NALF1: variants seen among roughly 807,000 people sequenced by gnomAD.
NALF1 encodes NALCN channel auxiliary factor 1, also known as family with sequence similarity 155 member A.
A neutral mutation model predicts 48.4 loss-of-function variants in NALF1; 3 were observed. The ratio of observed to expected loss-of-function variants is 0.06; its 90% CI spans 0.03 to 0.16. The LOEUF (loss-of-function observed/expected upper bound fraction) is 0.16. Among genes scored for constraint, NALF1 ranks in the 10% least tolerant of loss-of-function variants. The pLI, the probability that NALF1 is intolerant of heterozygous loss-of-function variation, is 1.00. For missense variants in NALF1, 526 were observed against 571.5 expected, an observed-to-expected ratio of 0.92 and a Z score of 0.81; for synonymous variants, 262 against 245.7, an observed-to-expected ratio of 1.07 and a Z score of -0.62.
chr13:107,291,964 A>T lies in NALF1; in HGVS notation c.916-81209T>A, dbSNP rs142494380. On this transcript the variant is annotated intron_variant, in intron 1 of 2. Coordinates refer to ENST00000375915, the MANE Select transcript of NALF1 (RefSeq NM_001080396.3). ...AACACTGAAATGTATAAGTGACATAAAATATCCTGCTCCTATTGATACACA... is the reference window on the plus strand; with the variant it reads ...AACACTGAAATGTATAAGTGACATATAATATCCTGCTCCTATTGATACACA... Among the ~76,000 whole-genome samples the T allele has an allele frequency of 6.3e-3, 963 of 152,326 alleles. 10 individuals are homozygous for T. Among genetic ancestry groups the T allele is most frequent in the African/African-American group, 0.021 (875 of 41,568 alleles).
At chr13:107,373,232 A>G (rs1252775956) in intron 1 of NALF1, among the ~76,000 whole-genome samples, 1 of 152,208 alleles carries the variant, frequency 6.6e-6, no homozygotes, top group Non-Finnish European at 1.5e-5. Context: ...CAGGAACGTC[A>G]TATTTTAAAG....
chr13:107,650,583 GAAGAA>G (rs1018836724), intron 1 of NALF1, among the ~76,000 whole-genome samples: 3 of 151,828 alleles, frequency 2.0e-5, no homozygotes, highest in African/African-American at 7.3e-5. Flanking sequence ...GACTTGGGGA[GAAGAA>G]GAGAGGGGAA....
At chr13:107,447,880 A>C (rs998865345) in intron 1 of NALF1, among the ~76,000 whole-genome samples, 1 of 152,152 alleles carries the variant, frequency 6.6e-6, no homozygotes, top group African/African-American at 2.4e-5. Flanking sequence ...GGCTCTCTGC[A>C]TTTGACTTTG....
intron 1 of NALF1, among the ~76,000 whole-genome samples, chr13:107,687,293 C>T (rs996240420): frequency 2.0e-5 from 3 of 151,872 alleles, no homozygotes; most frequent in African/African-American, 7.2e-5. Flanking sequence ...ACTGGGCACT[C>T]CAAGAGTCTG....
At chr13:107,699,888 A>G (rs1385815552) in intron 1 of NALF1, among the ~76,000 whole-genome samples, 2 of 152,092 alleles carry the variant, frequency 1.3e-5, no homozygotes, top group East Asian at 3.9e-4. Flanking sequence ...TACCTGAAAA[A>G]GAAACAATCC....
intron 1 of NALF1, among the ~76,000 whole-genome samples, chr13:107,791,442 A>G (rs1232574415): frequency 6.6e-6 from 1 of 152,160 alleles, no homozygotes; most frequent in East Asian, 1.9e-4. Context: ...TTTAGACTTT[A>G]GGCTTTTGTC....
chr13:107,831,481 C>T (rs1238008213), intron 1 of NALF1, among the ~76,000 whole-genome samples: 3 of 151,638 alleles, frequency 2.0e-5, no homozygotes, highest in African/African-American at 2.4e-5. Flanking sequence ...TGCAGAGTTT[C>T]GCTGGTTTGG....
At chr13:107,425,713 C>T (rs573923305) in intron 1 of NALF1, among the ~76,000 whole-genome samples, 1 of 152,102 alleles carries the variant, frequency 6.6e-6, no homozygotes, top group East Asian at 1.9e-4. Flanking sequence ...TACCTATTTA[C>T]TATGATGTTG....
chr13:107,233,644 C>T (rs1156776365), intron 1 of NALF1, among the ~76,000 whole-genome samples: 3 of 152,152 alleles, frequency 2.0e-5, no homozygotes, highest in African/African-American at 7.2e-5. Context: ...GATTTGCTTA[C>T]AGAGTTGCAA....
intron 2 of NALF1, among the ~76,000 whole-genome samples, chr13:107,195,430 T>G (rs1050377140): frequency 6.6e-6 from 1 of 152,238 alleles, no homozygotes; most frequent in Non-Finnish European, 1.5e-5. Context: ...TGGATTTCAT[T>G]CTTCCTTTGC....
intron 1 of NALF1, among the ~76,000 whole-genome samples, chr13:107,537,948 T>C (rs918979036): frequency 7.2e-5 from 11 of 151,984 alleles, no homozygotes; most frequent in Admixed American, 4.6e-4. Context: ...AACTGGCAGG[T>C]GGAGGTTGCA....
intron 1 of NALF1, among the ~76,000 whole-genome samples, chr13:107,833,314 CATATGA>C (rs1181097233): frequency 5.9e-5 from 9 of 152,210 alleles, no homozygotes; most frequent in Non-Finnish European, 1.0e-4. Context: ...ATTGAATACA[CATATGA>C]ATACTACTGG....
intron 1 of NALF1, among the ~76,000 whole-genome samples, chr13:107,331,551 C>T (rs556387429): frequency 4.6e-5 from 7 of 152,156 alleles, no homozygotes; most frequent in Non-Finnish European, 7.4e-5. Flanking sequence ...TGGCCAAAAC[C>T]GCAATTACTT....
At chr13:107,620,636 G>A (rs1879494530) in intron 1 of NALF1, among the ~76,000 whole-genome samples, 1 of 152,082 alleles carries the variant, frequency 6.6e-6, no homozygotes, top group Non-Finnish European at 1.5e-5. Flanking sequence ...CTACTCTTTG[G>A]CCAGTTAGGA....
At chr13:107,621,160 C>A (rs1316413725) in intron 1 of NALF1, among the ~76,000 whole-genome samples, 6 of 152,158 alleles carry the variant, frequency 3.9e-5, no homozygotes, top group Admixed American at 2.0e-4. Flanking sequence ...TAAACTCTCC[C>A]AGCAACTCCA....
intron 1 of NALF1, among the ~76,000 whole-genome samples, chr13:107,782,345 T>C (rs1290538690): frequency 6.6e-6 from 1 of 152,194 alleles, no homozygotes; most frequent in Non-Finnish European, 1.5e-5. Context: ...GGTGTCTGGT[T>C]CACTCAGTGC....
At chr13:107,222,679 C>G (rs1028022378) in intron 1 of NALF1, among the ~76,000 whole-genome samples, 1 of 152,216 alleles carries the variant, frequency 6.6e-6, no homozygotes, top group African/African-American at 2.4e-5. Context: ...AAACTGAGCA[C>G]TTGCTTGAAT....
intron 1 of NALF1, among the ~76,000 whole-genome samples, chr13:107,468,006 C>G (rs1885035756): frequency 6.6e-6 from 1 of 150,780 alleles, no homozygotes; most frequent in Non-Finnish European, 1.5e-5. Context: ...TGAGATCGCG[C>G]CACTGCCCTC....
chr13:107,785,105 T>C (rs943039121), intron 1 of NALF1, among the ~76,000 whole-genome samples: 1 of 151,824 alleles, frequency 6.6e-6, no homozygotes, highest in African/African-American at 2.4e-5. Context: ...CATATATATG[T>C]ATGTATATGT....
Sources: gnomAD v4.1 joint callset for allele counts (sites outside exome capture counted in the v4.1 genomes callset) on GRCh38, gnomAD v4.1.1 for gene constraint, MANE v1.5 for transcripts, NCBI Gene and HGNC (gene_info 2026-07-23, HGNC 2026-07-21) for gene names.